Variants in PYY observed in about 807,000 individuals in gnomAD.
The protein encoded by PYY is peptide tyrosine tyrosine.
PYY carries 12 observed loss-of-function variants against 10.3 expected under a neutral mutation model. The ratio of observed to expected loss-of-function variants is 1.17; its 90% CI spans 0.75 to 1.89. PYY has a LOEUF of 1.89. PYY is among the 40% of genes most tolerant of loss of function. The pLI is 0.00. For synonymous variants in PYY, 66 were observed against 62.0 expected, an observed-to-expected ratio of 1.06 and a Z score of -0.30; for missense variants, 141 against 134.0, an observed-to-expected ratio of 1.05 and a Z score of -0.26.
At chr17:43,963,630 A>AAGAAAGAAAGAAAGAAAG (rs1567928014) in intron 2 of PYY, among the ~76,000 whole-genome samples, 6 of 145,238 alleles carry the variant, frequency 4.1e-5, no homozygotes, top group African/African-American at 1.5e-4. Context: ...AAGAAAGAGA[A>AAGAAAGAAAGAAAGAAAG]AGAAAGAAAA....
intron 1 of PYY, among the ~76,000 whole-genome samples, chr17:43,998,859 T>C (rs183345071): frequency 1.3e-5 from 2 of 152,280 alleles, no homozygotes; most frequent in Admixed American, 1.3e-4. Flanking sequence ...ATGCCTGGAA[T>C]GTGAGATGCC....
chr17:43,953,069 C>T (rs749088687), intron 3 of PYY, 40 bp downstream of exon 3: 1 of 1,609,268 alleles, frequency 6.2e-7, no homozygotes, highest in South Asian at 1.1e-5. Flanking sequence ...GGCCAGGCCG[C>T]GCTCTCGGAT....
chr17:43,996,833 G>T (rs376076464), intron 1 of PYY, among the ~76,000 whole-genome samples: 1 of 151,754 alleles, frequency 6.6e-6, no homozygotes, highest in East Asian at 1.9e-4. Flanking sequence ...AACTACAGGC[G>T]CACACCACCA....
chr17:43,993,667 C>A (rs901171907), intron 1 of PYY, among the ~76,000 whole-genome samples: 38 of 151,276 alleles, frequency 2.5e-4, no homozygotes, highest in Non-Finnish European at 4.4e-4. Context: ...AGTGAAAAAT[C>A]AGAAAAATTA....
chr17:43,981,406 T>A (rs1181578585), intron 1 of PYY, among the ~76,000 whole-genome samples: 2 of 152,216 alleles, frequency 1.3e-5, no homozygotes, highest in Non-Finnish European at 2.9e-5. Flanking sequence ...ATTTTAGTCA[T>A]TCTGGTGGAT....
intron 2 of PYY, among the ~76,000 whole-genome samples, chr17:43,965,789 CAAAAA>C (rs67609128): frequency 5.0e-4 from 16 of 31,928 alleles, no homozygotes; most frequent in East Asian, 1.6e-3. Context: ...ATCCATCTCA[CAAAAA>C]AAAAAAAAAA....
chr17:43,960,933 A>G (rs1355906109), intron 2 of PYY, among the ~76,000 whole-genome samples: 1 of 151,306 alleles, frequency 6.6e-6, no homozygotes, highest in South Asian at 2.1e-4. Context: ...AGAGTTTGGT[A>G]TGGTAGAGGT....
upstream of PYY, among the ~76,000 whole-genome samples, chr17:43,958,832 A>G (rs16940426): frequency 0.03 from 4,583 of 152,330 alleles, 233 homozygotes; most frequent in African/African-American, 0.1. Context: ...TGCCAGGTGT[A>G]TTTGTCATTG....
intron 2 of PYY, chr17:43,966,171 C>T (rs1177613999): frequency 6.6e-6 from 1 of 152,666 alleles, no homozygotes; most frequent in Non-Finnish European, 1.5e-5. Flanking sequence ...GTGCCAAGTA[C>T]TATGCCAGGT....
At chr17:43,989,299 A>G (rs542137901) in intron 1 of PYY, among the ~76,000 whole-genome samples, 28 of 152,030 alleles carry the variant, frequency 1.8e-4, no homozygotes, top group South Asian at 4.1e-4. Context: ...GTGTGAACCC[A>G]GGAGGCAGAG....
In PYY at chr17:43,979,111, A is replaced by G. The variant is rs2048867147; in HGVS notation, c.-462-12579T>C. Among the ~76,000 whole-genome samples, 4 of 152,304 alleles carry G rather than the reference A, an allele frequency of 2.6e-5. No homozygotes were observed. The South Asian group carries it at 8.3e-4, about 32-fold the overall frequency. On this transcript the variant is annotated intron_variant, in intron 1 of 6. Coordinates refer to the PYY transcript ENST00000360085. ...ACCAAAAGGCCTCTAGGCTTTTTAC[A>G]CGAGGGAAAAAAACTTGATGTGTTT...
intron 1 of PYY, among the ~76,000 whole-genome samples, chr17:43,975,321 C>T (rs1430254571): frequency 1.3e-5 from 2 of 152,060 alleles, no homozygotes; most frequent in Non-Finnish European, 2.9e-5. Context: ...CATTTCTTAG[C>T]TGTGTGACTT....
In PYY at chr17:43,952,865, G is replaced by A. The variant is rs1326165476; in HGVS notation, c.*91C>T. The A allele has an allele frequency of 7.2e-7, 1 of 1,390,416 alleles. No individual in the cohort carries two copies. The allele number at this position is 1,390,416 out of a possible 1,614,324, so 86.1% of individuals were successfully genotyped here. A position where few individuals can be genotyped will look rare whatever the true frequency, so the allele number is the denominator to read the frequency against. On this transcript the variant is annotated 3_prime_UTR_variant, in exon 4 of 4. Transcript: ENST00000692052. Reference sequence around the variant, plus strand: ...CGAACCCTGCCCAGACGCCGCCGTCGGGAGGCAGAATCCGGGTTTCTGGGG... The same window carrying A: ...CGAACCCTGCCCAGACGCCGCCGTCAGGAGGCAGAATCCGGGTTTCTGGGG...
At chr17:43,964,711 G>A (rs887025548) in intron 2 of PYY, among the ~76,000 whole-genome samples, 2 of 152,188 alleles carry the variant, frequency 1.3e-5, no homozygotes, top group African/African-American at 4.8e-5. Context: ...GCTGAGGCAG[G>A]AGAATCGCTT....
chr17:43,978,457 A>G (rs376028), intron 1 of PYY, among the ~76,000 whole-genome samples: 1 of 152,126 alleles, frequency 6.6e-6, no homozygotes, highest in Admixed American at 6.6e-5. Context: ...GGAGTTAAAG[A>G]CCAGTCTGGA....
chr17:43,989,901 CA>C (rs2048945233), intron 1 of PYY, among the ~76,000 whole-genome samples: 3 of 12,500 alleles, frequency 2.4e-4, no homozygotes, highest in Non-Finnish European at 5.5e-4. Context: ...TATATATATA[CA>C]CACAAATCTA....
At chr17:43,983,991 A>G (rs1235318066) in intron 1 of PYY, among the ~76,000 whole-genome samples, 1 of 152,168 alleles carries the variant, frequency 6.6e-6, no homozygotes, top group East Asian at 1.9e-4. Context: ...TCCCGCAAAC[A>G]CCGCGCCCGG....
rs562078529 is a variant in PYY, at chr17:43,992,490, C to T, written c.-463+11901G>A. On this transcript the variant is annotated intron_variant, in intron 1 of 6. Transcript: ENST00000360085. ...CTTTGGGAGGCCGAGGTGGGCGGAT[C>T]ACCTGAGGGCAGGAGTTTGAGACCA... is the stretch of plus-strand genomic sequence containing the variant. Among the ~76,000 whole-genome samples, 10 of 152,092 alleles carry T rather than the reference C, an allele frequency of 6.6e-5. No individual in the cohort carries two copies. In the South Asian group the frequency reaches 1.9e-3, roughly 28 times the overall value.
chr17:43,983,615 G>A (rs2048896841), intron 1 of PYY, among the ~76,000 whole-genome samples: 1 of 152,234 alleles, frequency 6.6e-6, no homozygotes, highest in Non-Finnish European at 1.5e-5. Flanking sequence ...ACGTGTCATA[G>A]GCATAGCCCC....
Sources: allele counts gnomAD v4.1 joint callset (sites outside exome capture counted in the v4.1 genomes callset), GRCh38; gene constraint gnomAD v4.1.1; transcripts MANE v1.5; gene names NCBI Gene and HGNC (gene_info 2026-07-23, HGNC 2026-07-21).